The following KIF1A variants were observed in gnomAD, a reference collection of about 807,000 sequenced individuals.
KIF1A encodes kinesin family member 1A.
KIF1A carries 46 observed loss-of-function variants against 227.3 expected under a neutral mutation model. The observed-to-expected ratio is 0.20, with a 90% CI of 0.16 to 0.26. The LOEUF is 0.26. Ranked by LOEUF, KIF1A falls within the 10% of genes least tolerant of loss-of-function variation. The probability of loss-of-function intolerance (pLI) is 1.00; values close to 1 mark genes in which losing one functional copy is unlikely to be tolerated. For missense variants in KIF1A, 1,683 were observed against 2,485.9 expected (o/e 0.68, Z 6.87); for synonymous variants, 1,022 against 1,012.8 (o/e 1.01, Z -0.17).
intron 10 of KIF1A, chr2:240,782,284 G>A (rs1283381251): frequency 6.1e-6 from 5 of 824,874 alleles, no homozygotes; most frequent in African/African-American, 1.9e-5. Context: ...GCTCCTCCGC[G>A]CCCCTTTCAG....
At position 240,726,749 on chromosome 2, in the gene KIF1A, T is replaced by C; in HGVS notation, c.4122+77A>G. On this transcript the variant is annotated intron_variant, in intron 39 of 48. Transcript: ENST00000498729. The surrounding 1 kb of genome is among the most constrained non-coding windows in gnomAD (Gnocchi z 5.2). ...GAGAAGTCGTCTGGGTCATATGGGG[T>C]TGTCCAGAGCTTACAAGAACCTCAA... is the stretch of plus-strand genomic sequence containing the variant. The C allele has an allele frequency of 1.0e-5, 8 of 803,284 alleles. No homozygotes were observed. The highest frequency in any genetic ancestry group is 1.5e-5 in the Non-Finnish European group (7 of 476,272). The allele number at this position is 803,284 out of a possible 1,614,324, so 49.8% of individuals were successfully genotyped here.
At position 240,743,852 on chromosome 2, in the gene KIF1A, G is replaced by C. The variant is rs1167055892; in HGVS notation, c.3584+90C>G. On this transcript the variant is annotated intron_variant, in intron 33 of 48. Transcript: ENST00000498729. The stretch of plus-strand genomic sequence containing the variant: ...GGAGGTGGGTTTCAGGGGGTGCATA[G>C]GCTCTGCAGCCTCAAGACAGCTGGA... 3.4e-6 allele frequency: 3 copies of C among 888,260 alleles called. No individual in the cohort carries two copies. In the African/African-American group the frequency reaches 4.9e-5, roughly 15 times the overall value. The allele number at this position is 888,260 out of a possible 1,614,324, so 55.0% of individuals were successfully genotyped here.
intron 2 of KIF1A, among the ~76,000 whole-genome samples, chr2:240,797,419 T>C (rs1425203066): frequency 6.6e-6 from 1 of 152,166 alleles, no homozygotes; most frequent in African/African-American, 2.4e-5. Flanking sequence ...GCACCTTGAC[T>C]TTGGACTTCT....
rs374873057 is a variant in KIF1A at position 240,741,350 on chromosome 2, G to A, written c.3668C>T (p.Thr1223Met). The change falls in exon 35 of 49, where the codon ACG becomes ATG. Residue 1223 changes from threonine (T) to methionine (M), a missense_variant. By Grantham distance (81) the Thr-to-Met change is moderately conservative (BLOSUM62 -1). Around this residue, in one of 12 missense-constraint regions of KIF1A, gnomAD observed 759 missense variants for 1,020.2 expected, o/e 0.74. Coordinates refer to ENST00000498729, the MANE Select transcript of KIF1A (RefSeq NM_001244008.2). ...PVPATKLSTL[T>M]RPCPGPCHCK... ...GTGGCAGGGTCCCGGACAGGGCCGCGTCAGTGTGCTGAGCTTGGTGGCGGG... is the reference window on the plus strand; with the variant it reads ...GTGGCAGGGTCCCGGACAGGGCCGCATCAGTGTGCTGAGCTTGGTGGCGGG... The A allele has an allele frequency of 2.0e-4, 312 of 1,586,628 alleles. No individual in the cohort carries two copies. Among genetic ancestry groups the A allele is most frequent in the Middle Eastern group, 5.0e-4 (3 of 6,052 alleles).
At chr2:240,718,196 G>A (rs2044790916) in intron 47 of KIF1A, 28 bp from the exon 48 acceptor site, 2 of 1,480,796 alleles carry the variant, frequency 1.4e-6, no homozygotes, top group African/African-American at 1.4e-5. Context: ...TGGTGAGGAG[G>A]TGCCAGGCTC....
Position 240,782,665 on chromosome 2 carries a change from G to A in KIF1A, c.865-58C>T. 5.9e-6 allele frequency: 9 copies of A among 1,537,324 alleles called. 1 individual carries two copies. Among genetic ancestry groups the A allele is most frequent in the South Asian group, 3.6e-5 (3 of 83,730 alleles). Reference sequence around the variant, plus strand: ...CCGGAGCGAAGCTGGCGCGGGCTGTGGGGGCGGAAGAGCAGGCGGCCCGGC... The same window carrying A: ...CCGGAGCGAAGCTGGCGCGGGCTGTAGGGGCGGAAGAGCAGGCGGCCCGGC... On this transcript the variant is annotated intron_variant, in intron 9 of 48. Transcript: ENST00000498729.
intron 15 of KIF1A, 102 bp downstream of exon 15, chr2:240,770,869 A>G (rs1312246365): frequency 2.1e-6 from 3 of 1,396,764 alleles, no homozygotes; most frequent in Admixed American, 4.0e-5. Context: ...CAATGGCCCT[A>G]TGAGGATGGG....
intron 27 of KIF1A, among the ~76,000 whole-genome samples, chr2:240,751,479 C>A (rs1474208346): frequency 6.6e-6 from 1 of 152,130 alleles, no homozygotes; most frequent in East Asian, 1.9e-4. Context: ...GGGCTCCTGA[C>A]CTTGCTCCCT....
rs1008920785 is a variant in KIF1A, at chr2:240,736,321, G to A, written c.4007+742C>T. Reference sequence around the variant, plus strand: ...GAGCCCCCAGGGAGCAGCCAGGACTGGACACTGGAGCCCCCGCCTCACTTT... The same window carrying A: ...GAGCCCCCAGGGAGCAGCCAGGACTAGACACTGGAGCCCCCGCCTCACTTT... On this transcript the variant is annotated intron_variant, in intron 38 of 48. Transcript: ENST00000498729. This position sits in a 1 kb window ranked among gnomAD's most constrained non-coding sequence, Gnocchi z 4.7. Among the ~76,000 whole-genome samples, 4 of 152,086 alleles carry A rather than the reference G, an allele frequency of 2.6e-5. No individual in the cohort carries two copies. Among genetic ancestry groups the A allele is most frequent in the African/African-American group, 4.8e-5 (2 of 41,392 alleles).
chr2:240,718,207 C>G (rs546285365), intron 47 of KIF1A, 39 bp from the exon 48 acceptor site: 1 of 1,407,146 alleles, frequency 7.1e-7, no homozygotes, highest in Admixed American at 1.9e-5. Context: ...TGCCAGGCTC[C>G]GTGGTCAGCA....
intron 37 of KIF1A, among the ~76,000 whole-genome samples, chr2:240,738,028 C>T (rs80039901): frequency 0.036 from 5,466 of 152,310 alleles, 119 homozygotes; most frequent in African/African-American, 0.071. Flanking sequence ...TGGATCCCAG[C>T]AAAGTGCCCT....
chr2:240,801,646 G>C (rs977312013), intron 1 of KIF1A, among the ~76,000 whole-genome samples: 2 of 152,084 alleles, frequency 1.3e-5, no homozygotes, highest in African/African-American at 4.8e-5. Context: ...TTAGTAAGTG[G>C]GGCCTTTATA....
chr2:240,786,614 C>T, intron 5 of KIF1A, 101 bp from the exon 6 acceptor site: 1 of 1,102,364 alleles, frequency 9.1e-7, no homozygotes, highest in Non-Finnish European at 1.3e-6. Context: ...ACATAAGGAC[C>T]CCTGAGTGAG....
At chr2:240,800,844 G>A (rs563181032) in intron 1 of KIF1A, among the ~76,000 whole-genome samples, 1 of 152,354 alleles carries the variant, frequency 6.6e-6, no homozygotes, top group South Asian at 2.1e-4. Flanking sequence ...GGCTCTGGCT[G>A]AAAGCCCAGC....
intron 1 of KIF1A, among the ~76,000 whole-genome samples, chr2:240,809,105 A>G (rs1403419439): frequency 2.0e-5 from 3 of 152,264 alleles, no homozygotes; most frequent in African/African-American, 4.8e-5. Flanking sequence ...ATGGAGAACT[A>G]TAACTTATTG....
intron 1 of KIF1A, among the ~76,000 whole-genome samples, chr2:240,807,453 A>G (rs2057530376): frequency 6.6e-6 from 1 of 152,108 alleles, no homozygotes. Context: ...CCTTCCATAT[A>G]TTTTAAATCA....
chr2:240,813,874 G>A (rs578096317), intron 1 of KIF1A, among the ~76,000 whole-genome samples: 3 of 152,316 alleles, frequency 2.0e-5, no homozygotes, highest in Admixed American at 6.5e-5. Flanking sequence ...TGGAACAGAC[G>A]CGAAACAACC....
chr2:240,734,344 C>T (rs1431511270), intron 38 of KIF1A, among the ~76,000 whole-genome samples: 1 of 152,074 alleles, frequency 6.6e-6, no homozygotes, highest in East Asian at 1.9e-4. Context: ...CAGCCAGCAG[C>T]GTGCGGGACA....
At position 240,718,112 on chromosome 2, in the gene KIF1A, G is replaced by A. The variant is rs995451127; in HGVS notation, c.5271C>T (p.Ala1757=). ...TEHRGILLQA[A]SDKDMHDWLY... is the part of the protein sequence containing the mutation. ...GCCAGTCATGCATGTCCTTGTCGCT[G>A]GCGGCCTGCAGCAGGATGCCGCGGT... The change falls in exon 48 of 49, where the codon GCC becomes GCT. Residue 1757 remains alanine, a synonymous_variant. Transcript: ENST00000498729. 4.3e-6 allele frequency: 7 copies of A among 1,611,674 alleles called. No individual in the cohort carries two copies. Among genetic ancestry groups the A allele is most frequent in the Non-Finnish European group, 5.9e-6 (7 of 1,179,424 alleles).
Sources: allele counts gnomAD v4.1 joint callset (sites outside exome capture counted in the v4.1 genomes callset), GRCh38; gene constraint gnomAD v4.1.1; regional missense constraint gnomAD v4.1.1; non-coding constraint Gnocchi (gnomAD v3.1); transcripts MANE v1.5; gene names NCBI Gene and HGNC (gene_info 2026-07-23, HGNC 2026-07-21).